ERICH3: variants seen among roughly 807,000 people sequenced by gnomAD.
ERICH3 encodes the protein glutamate-rich protein 3.
In ERICH3, 126 loss-of-function variants were observed where a neutral mutation model predicts 131.1. That is an observed-to-expected ratio of 0.96 (90% CI 0.83 to 1.11). ERICH3 has a LOEUF of 1.11. Among genes scored for constraint, ERICH3 ranks in the 50% most tolerant of loss-of-function variants. The pLI, the probability that ERICH3 is intolerant of heterozygous loss-of-function variation, is 0.00. For synonymous variants in ERICH3, 695 were observed against 644.6 expected, an observed-to-expected ratio of 1.08 and a Z score of -1.18; for missense variants, 2,050 against 1,810.7, an observed-to-expected ratio of 1.13 and a Z score of -2.40.
chr1:74,596,416 A>T (rs1377131396), intron 11 of ERICH3, among the ~76,000 whole-genome samples: 1 of 152,086 alleles, frequency 6.6e-6, no homozygotes, highest in Non-Finnish European at 1.5e-5. Context: ...CACATAGTAT[A>T]ATGATCAAAT....
Position 74,586,028 on chromosome 1 carries a change from G to A in ERICH3, c.2176+3603C>T, listed in dbSNP as rs942083873. On this transcript the variant is annotated intron_variant, in intron 12 of 14. Coordinates refer to ENST00000326665, the MANE Select transcript of ERICH3 (RefSeq NM_001002912.5). ...TCTGTTTTACCTGTTAATGTCTTAT[G>A]CTTTATATTCCCTGATTCTATATTT... 2.0e-5 allele frequency among the ~76,000 whole-genome samples: 3 copies of A among 151,976 alleles called. No homozygotes were observed. The East Asian group carries it at 5.8e-4, about 29-fold the overall frequency.
chr1:74,643,754 T>C lies in ERICH3; in HGVS notation c.244-656A>G, dbSNP rs114109079. Among the ~76,000 whole-genome samples, 553 of 152,234 alleles carry C rather than the reference T, an allele frequency of 3.6e-3. 4 individuals are homozygous for C. Among genetic ancestry groups the C allele is most frequent in the African/African-American group, 0.013 (540 of 41,556 alleles). On this transcript the variant is annotated intron_variant, in intron 3 of 14. Coordinates refer to ENST00000326665, the MANE Select transcript of ERICH3 (RefSeq NM_001002912.5). ...GCACTGAAGCAGAGGATAATGAACTTGCGCCAGGTCATATACCCAGCCAGG... is the reference window on the plus strand; with the variant it reads ...GCACTGAAGCAGAGGATAATGAACTCGCGCCAGGTCATATACCCAGCCAGG...
Position 74,659,792 on chromosome 1 carries a change from G to T in ERICH3, c.24-10477C>A, listed in dbSNP as rs191003172. ...CCAAGAAGAACTGAAATCTGAACTG[G>T]GTCCTAAATGACAAGTCAAGTGTTG... On this transcript the variant is annotated intron_variant, in intron 1 of 14. Coordinates refer to ENST00000326665, the MANE Select transcript of ERICH3 (RefSeq NM_001002912.5). Among the ~76,000 whole-genome samples the T allele has an allele frequency of 5.6e-3, 845 of 152,230 alleles. 9 individuals carry two copies. Among genetic ancestry groups the T allele is most frequent in the Non-Finnish European group, 9.1e-3 (619 of 67,996 alleles).
intron 9 of ERICH3, among the ~76,000 whole-genome samples, chr1:74,611,608 A>AC (rs1179973703): frequency 1.3e-5 from 2 of 151,954 alleles, no homozygotes; most frequent in Non-Finnish European, 2.9e-5. Flanking sequence ...GGTCTCTGCG[A>AC]CCCCATCTCC....
At chr1:74,618,992 A>G (rs774079553) in intron 8 of ERICH3, among the ~76,000 whole-genome samples, 1 of 152,226 alleles carries the variant, frequency 6.6e-6, no homozygotes, top group Non-Finnish European at 1.5e-5. Context: ...TTGCTGAACC[A>G]CAAGTCAACT....
Position 74,641,443 on chromosome 1 carries a change from C to A in ERICH3, c.332G>T (p.Arg111Met), listed in dbSNP as rs201835185. 4.3e-6 allele frequency: 7 copies of A among 1,611,142 alleles called. No individual in the cohort carries two copies. The highest frequency in any genetic ancestry group is 5.9e-6 in the Non-Finnish European group (7 of 1,178,952). ...IQRFKGEHTR[R>M]SVENNMPILS... ...GATTGGCATGTTATTTTCAACAGAC[C>A]TTCTTGTGTGCTCTCCCTAGAATAA... is the stretch of plus-strand genomic sequence containing the variant. Residue 111 changes from arginine (R) to methionine (M), a missense_variant, in exon 5 of 15, where the codon AGG becomes ATG. By Grantham distance (91) the Arg-to-Met change is moderately conservative. Transcript: ENST00000326665.
intron 12 of ERICH3, among the ~76,000 whole-genome samples, chr1:74,588,848 C>A (rs2100559630): frequency 6.6e-6 from 1 of 152,182 alleles, no homozygotes; most frequent in African/African-American, 2.4e-5. Context: ...CTTACTGTTT[C>A]CATGTCAAAT....
At chr1:74,635,215 C>T (rs1040566220) in intron 6 of ERICH3, among the ~76,000 whole-genome samples, 3 of 152,096 alleles carry the variant, frequency 2.0e-5, no homozygotes, top group Admixed American at 1.3e-4. Context: ...AACTAATTGA[C>T]ATAAGACTCA....
chr1:74,673,847 G>A (rs1646764487), upstream of ERICH3: 1 of 299,406 alleles, frequency 3.3e-6, no homozygotes, highest in African/African-American at 2.2e-5. Flanking sequence ...CTTTTTCTGG[G>A]CCCTGATAGG....
intron 1 of ERICH3, among the ~76,000 whole-genome samples, chr1:74,649,534 A>T (rs1162057547): frequency 1.3e-5 from 2 of 152,102 alleles, no homozygotes; most frequent in Non-Finnish European, 2.9e-5. Flanking sequence ...TCCACAGACA[A>T]GTATGGAAAT....
rs138673241 is a variant in ERICH3, at chr1:74,587,056, T to G, written c.2176+2575A>C. Among the ~76,000 whole-genome samples, 468 of 152,222 alleles carry G rather than the reference T, an allele frequency of 3.1e-3. 7 individuals carry two copies. Among genetic ancestry groups the G allele is most frequent in the Non-Finnish European group, 4.2e-3 (286 of 67,992 alleles). ...ACAAAGATAAACAGGCTGGGCATGG[T>G]GGCTCATGCCTGTAATCCCAACACT... On this transcript the variant is annotated intron_variant, in intron 12 of 14. Transcript: ENST00000326665.
intron 5 of ERICH3, among the ~76,000 whole-genome samples, chr1:74,639,959 A>T (rs192935969): frequency 6.6e-6 from 1 of 152,310 alleles, no homozygotes; most frequent in East Asian, 1.9e-4. Context: ...TTTAATTCCA[A>T]GATCACAATA....
chr1:74,612,161 C>G (rs1570867190), intron 9 of ERICH3, among the ~76,000 whole-genome samples: 1 of 152,146 alleles, frequency 6.6e-6, no homozygotes, highest in Non-Finnish European at 1.5e-5. Context: ...TTGGGTCAGA[C>G]AGTAATGCAG....
intron 3 of ERICH3, 114 bp downstream of exon 3, chr1:74,646,553 T>A: frequency 1.6e-6 from 1 of 630,934 alleles, no homozygotes; most frequent in Non-Finnish European, 2.4e-6. Context: ...TTATTAATTA[T>A]CATATTAGAC....
At chr1:74,593,285 T>C (rs1647692376) in intron 11 of ERICH3, among the ~76,000 whole-genome samples, 2 of 152,134 alleles carry the variant, frequency 1.3e-5, no homozygotes. Flanking sequence ...CTTTCTTTTT[T>C]GGCATCACTA....
chr1:74,670,759 A>G (rs1300269197), intron 1 of ERICH3, among the ~76,000 whole-genome samples: 1 of 152,212 alleles, frequency 6.6e-6, no homozygotes, highest in African/African-American at 2.4e-5. Context: ...AGACAACCAT[A>G]AGGTCTGACT....
chr1:74,599,961 T>G lies in ERICH3; in HGVS notation c.1490-30A>C, dbSNP rs760926818. On this transcript the variant is annotated intron_variant, in intron 10 of 14. Transcript: ENST00000326665. ...AATAGGAAAATCTCCACTATAAGAATGAAAATAGAACCCCTTATACTTAAC... is the reference window on the plus strand; with the variant it reads ...AATAGGAAAATCTCCACTATAAGAAGGAAAATAGAACCCCTTATACTTAAC... 4.0e-6 allele frequency: 6 copies of G among 1,507,632 alleles called. No individual in the cohort carries two copies. The Admixed American group carries it at 1.1e-4, about 27-fold the overall frequency. 93.4% of individuals were successfully genotyped at this position (1,507,632 alleles called of 1,614,324 possible). A position where few individuals can be genotyped will look rare whatever the true frequency, so the allele number is the denominator to read the frequency against.
intron 1 of ERICH3, among the ~76,000 whole-genome samples, chr1:74,673,078 A>C (rs12043286): frequency 0.23 from 34,362 of 152,100 alleles, 4,108 homozygotes; most frequent in Middle Eastern, 0.33. Flanking sequence ...CCTCGCTTAT[A>C]TGTAAGCTAA....
intron 7 of ERICH3, chr1:74,625,613 A>G (rs1199495135): frequency 6.6e-6 from 1 of 152,158 alleles, no homozygotes; most frequent in East Asian, 1.9e-4. Context: ...GTATATATAT[A>G]TATCTGTCTC....
Sources: allele counts gnomAD v4.1 joint callset (sites outside exome capture counted in the v4.1 genomes callset), GRCh38; gene constraint gnomAD v4.1.1; transcripts MANE v1.5; gene names NCBI Gene and HGNC (gene_info 2026-07-23, HGNC 2026-07-21).